Variants in PTGER4 observed in about 807,000 individuals in gnomAD.
PTGER4 encodes the protein prostaglandin E receptor 4, also known as prostaglandin E2 receptor EP4 subtype.
In PTGER4, 11 loss-of-function variants were observed where a neutral mutation model predicts 33.2. The ratio of observed to expected loss-of-function variants is 0.33; its 90% CI spans 0.21 to 0.55. PTGER4 has a LOEUF of 0.55. Ranked by LOEUF, PTGER4 falls within the 20% of genes least tolerant of loss-of-function variation. PTGER4 has a pLI of 0.92. For synonymous variants in PTGER4, 275 were observed against 281.5 expected, an observed-to-expected ratio of 0.98 and a Z score of 0.23; for missense variants, 481 against 650.2, an observed-to-expected ratio of 0.74 and a Z score of 2.83.
chr5:40,732,736 G>A, the PTGER4 span, among the ~76,000 whole-genome samples: 1 of 151,962 alleles, frequency 6.6e-6, no homozygotes, highest in Non-Finnish European at 1.5e-5. Flanking sequence ...AGCCCCCCGA[G>A]TGGCTGGGAC....
intron 2 of PTGER4, among the ~76,000 whole-genome samples, chr5:40,689,056 A>T (rs1189092223): frequency 6.6e-6 from 1 of 152,190 alleles, no homozygotes; most frequent in East Asian, 1.9e-4. Flanking sequence ...ATATTGCAAA[A>T]TATGTAATAT....
chr5:40,732,385 G>A, the PTGER4 span, among the ~76,000 whole-genome samples: 1 of 151,602 alleles, frequency 6.6e-6, no homozygotes, highest in African/African-American at 2.4e-5. Flanking sequence ...CTAAAGGACT[G>A]TCCAAGTCCT....
chr5:40,740,514 G>A, the PTGER4 span, among the ~76,000 whole-genome samples: 40 of 151,890 alleles, frequency 2.6e-4, no homozygotes, highest in Non-Finnish European at 4.7e-4. Context: ...TCTACACTCC[G>A]AAATCCATGG....
At chr5:40,744,354 A>G in the PTGER4 span, among the ~76,000 whole-genome samples, 1 of 152,170 alleles carries the variant, frequency 6.6e-6, no homozygotes, top group Non-Finnish European at 1.5e-5. Context: ...ATTTTGTTTT[A>G]TATTAAGTTA....
At chr5:40,742,929 A>T in the PTGER4 span, among the ~76,000 whole-genome samples, 1 of 152,232 alleles carries the variant, frequency 6.6e-6, no homozygotes, top group African/African-American at 2.4e-5. Context: ...CAGCCAAAAA[A>T]CATCACAGCT....
the PTGER4 span, among the ~76,000 whole-genome samples, chr5:40,703,081 A>C: frequency 2.6e-5 from 4 of 152,182 alleles, no homozygotes; most frequent in African/African-American, 9.7e-5. Flanking sequence ...CAAATTAACG[A>C]CCTAACTTCA....
downstream of PTGER4, among the ~76,000 whole-genome samples, chr5:40,694,886 A>G (rs1468159266): frequency 6.6e-6 from 1 of 152,240 alleles, no homozygotes; most frequent in East Asian, 1.9e-4. Context: ...TATGCAATGC[A>G]AAGATTATTT....
the PTGER4 span, among the ~76,000 whole-genome samples, chr5:40,705,377 A>C: frequency 3.3e-5 from 5 of 152,224 alleles, no homozygotes; most frequent in African/African-American, 1.2e-4. Flanking sequence ...ATACCCTGGA[A>C]GACAATCTAG....
rs994466626 is a variant in PTGER4, at chr5:40,683,441, C to G, written c.867+1581C>G. On this transcript the variant is annotated intron_variant, in intron 2 of 2. Coordinates refer to ENST00000302472, the MANE Select transcript of PTGER4 (RefSeq NM_000958.3). The surrounding 1 kb of genome is among the most constrained non-coding windows in gnomAD (Gnocchi z 4.2). ...ATATTTTACTGTCTGTAATGGCAACCTAGAATAAAGTGAGATTTTGGAAGA... is the reference window on the plus strand; with the variant it reads ...ATATTTTACTGTCTGTAATGGCAACGTAGAATAAAGTGAGATTTTGGAAGA... Among the ~76,000 whole-genome samples the G allele has an allele frequency of 6.6e-6, 1 of 152,284 alleles. No individual in the cohort carries two copies. The highest frequency in any genetic ancestry group is 2.4e-5 in the African/African-American group (1 of 41,550).
At chr5:40,724,764 A>G in the PTGER4 span, among the ~76,000 whole-genome samples, 1 of 152,178 alleles carries the variant, frequency 6.6e-6, no homozygotes, top group Admixed American at 6.5e-5. Context: ...ATAATTCAAG[A>G]ATTTGTACTA....
At chr5:40,723,516 A>T in the PTGER4 span, among the ~76,000 whole-genome samples, 1 of 64,356 alleles carries the variant, frequency 1.6e-5, no homozygotes, top group South Asian at 5.2e-4. Flanking sequence ...TCAAATTAAA[A>T]AAAAAAAAAA....
In PTGER4 at chr5:40,680,578, ATTGCTTTTGT is replaced by A; in HGVS notation, c.-44+101_-44+110del. 1.9e-5 allele frequency: 3 copies of A among 159,594 alleles called. No homozygotes were observed. Among genetic ancestry groups the A allele is most frequent in the South Asian group, 1.8e-4 (1 of 5,566 alleles). 9.9% of individuals were successfully genotyped at this position (159,594 alleles called of 1,614,324 possible). A position where few individuals can be genotyped will look rare whatever the true frequency, so the allele number is the denominator to read the frequency against. On this transcript the variant is annotated intron_variant, in intron 1 of 2. Coordinates refer to ENST00000302472, the MANE Select transcript of PTGER4 (RefSeq NM_000958.3). This position sits in a 1 kb window ranked among gnomAD's most constrained non-coding sequence, Gnocchi z 5.5. ...AAGAAGGGAAGAGCGCGCTCTCCAA[ATTGCTTTTGT>A]AACTTGTTTTCAGTGAGCATTTTAT...
At chr5:40,746,254 G>A in the PTGER4 span, among the ~76,000 whole-genome samples, 1 of 152,118 alleles carries the variant, frequency 6.6e-6, no homozygotes, top group Non-Finnish European at 1.5e-5. Context: ...AAAAAGAAAT[G>A]GGTGCATATA....
downstream of PTGER4, chr5:40,693,811 T>G (rs1315672885): frequency 1.6e-5 from 12 of 729,680 alleles, no homozygotes; most frequent in African/African-American, 3.9e-5. Context: ...CTATATCCTT[T>G]TATATATTTT....
the PTGER4 span, among the ~76,000 whole-genome samples, chr5:40,706,057 C>T: frequency 6.6e-6 from 1 of 152,216 alleles, no homozygotes; most frequent in Non-Finnish European, 1.5e-5. Flanking sequence ...TTTACAATAG[C>T]AAAGACTTGG....
At chr5:40,699,152 A>G in the PTGER4 span, among the ~76,000 whole-genome samples, 1 of 151,822 alleles carries the variant, frequency 6.6e-6, no homozygotes, top group Admixed American at 6.6e-5. Flanking sequence ...AATGTGGAAA[A>G]TTCTAAAGGA....
the PTGER4 span, among the ~76,000 whole-genome samples, chr5:40,733,293 G>A: frequency 6.6e-6 from 1 of 152,082 alleles, no homozygotes; most frequent in Admixed American, 6.6e-5. Context: ...CTAGAGCAAG[G>A]GGTGGCATAG....
downstream of PTGER4, among the ~76,000 whole-genome samples, chr5:40,698,662 A>G (rs183084117): frequency 6.6e-6 from 1 of 152,332 alleles, no homozygotes; most frequent in Admixed American, 6.5e-5. Flanking sequence ...CACATCAATT[A>G]TATCTCAATG....
At chr5:40,745,656 A>G in the PTGER4 span, among the ~76,000 whole-genome samples, 2 of 151,538 alleles carry the variant, frequency 1.3e-5, no homozygotes, top group African/African-American at 4.9e-5. Flanking sequence ...CTCAAAGCAC[A>G]GAAATTACAG....
Sources: allele counts gnomAD v4.1 joint callset (sites outside exome capture counted in the v4.1 genomes callset), GRCh38; gene constraint gnomAD v4.1.1; non-coding constraint Gnocchi (gnomAD v3.1); transcripts MANE v1.5; gene names NCBI Gene and HGNC (gene_info 2026-07-23, HGNC 2026-07-21).